KLF8: variants seen among roughly 807,000 people sequenced by gnomAD.
KLF8 encodes KLF transcription factor 8.
KLF8 carries 10 observed loss-of-function variants against 18.2 expected under a neutral mutation model. That is an observed-to-expected ratio of 0.55 (90% CI 0.34 to 0.93). The LOEUF (loss-of-function observed/expected upper bound fraction) is 0.93. Among genes scored for constraint, KLF8 ranks in the 40% least tolerant of loss-of-function variants. KLF8 has a pLI of 0.02. For missense variants in KLF8, 264 were observed against 277.9 expected (o/e 0.95, Z 0.36); for synonymous variants, 109 against 97.3 (o/e 1.12, Z -0.71).
At chrX:55,970,718 A>G in the KLF8 span, among the ~76,000 whole-genome samples, 1 of 111,835 alleles carries the variant, frequency 8.9e-6, no homozygotes, top group East Asian at 2.8e-4. Context: ...CAAAGTTGTA[A>G]GAGATCAAAT....
chrX:56,144,828 T>C, the KLF8 span, among the ~76,000 whole-genome samples: 1 of 107,964 alleles, frequency 9.3e-6, no homozygotes, highest in African/African-American at 3.4e-5. Context: ...AGTCTCGCTC[T>C]GTTGCCCAGG....
the KLF8 span, among the ~76,000 whole-genome samples, chrX:55,992,162 G>C: frequency 8.9e-6 from 1 of 112,224 alleles, no homozygotes; most frequent in Non-Finnish European, 1.9e-5. Context: ...TCTTCATCAT[G>C]AAATATTTGT....
chrX:56,191,301 A>T, the KLF8 span, among the ~76,000 whole-genome samples: 1 of 112,091 alleles, frequency 8.9e-6, no homozygotes, highest in Non-Finnish European at 1.9e-5. Flanking sequence ...AGGTAATGAG[A>T]TTGAAGCTGT....
At chrX:56,177,542 G>A in the KLF8 span, among the ~76,000 whole-genome samples, 57 of 110,286 alleles carry the variant, frequency 5.2e-4, no homozygotes, top group Non-Finnish European at 8.8e-4. Flanking sequence ...TAGGCTACTC[G>A]GGGGTCAGGG....
chrX:55,923,197 G>A, the KLF8 span, among the ~76,000 whole-genome samples: 1 of 108,350 alleles, frequency 9.2e-6, no homozygotes, highest in Non-Finnish European at 1.9e-5. Flanking sequence ...GGAGTTGGAA[G>A]CCATTATCCT....
the KLF8 span, among the ~76,000 whole-genome samples, chrX:56,197,701 C>T: frequency 9.0e-6 from 1 of 111,593 alleles, no homozygotes; most frequent in Admixed American, 9.5e-5. Flanking sequence ...TTATTCCAAT[C>T]AATAGAAAAA....
chrX:56,266,718 C>T lies in KLF8; in HGVS notation c.646+974C>T, dbSNP rs1053710216. ...AAGGAAAATTATGTGGCCTCTAAAG[C>T]AGGCTGATAATGTTTTGCATAAATC... On this transcript the variant is annotated intron_variant, in intron 3 of 5. Coordinates refer to ENST00000468660, the MANE Select transcript of KLF8 (RefSeq NM_007250.5). 21 of 751,831 alleles carry T rather than the reference C, an allele frequency of 2.8e-5. No homozygotes were observed. In the African/African-American group the frequency reaches 4.4e-4, roughly 16 times the overall value. The allele number at this position is 751,831 out of a possible 1,213,427, so 62.0% of individuals were successfully genotyped here. A position where few individuals can be genotyped will look rare whatever the true frequency, so the allele number is the denominator to read the frequency against.
At chrX:56,076,147 T>A in the KLF8 span, among the ~76,000 whole-genome samples, 1 of 111,043 alleles carries the variant, frequency 9.0e-6, no homozygotes, top group South Asian at 3.9e-4. Context: ...CTCATAATTT[T>A]TTTTTATTAT....
intron 1 of KLF8, among the ~76,000 whole-genome samples, chrX:56,236,848 TTGTG>T (rs3052510): frequency 0.015 from 1,387 of 95,043 alleles, 28 homozygotes; most frequent in African/African-American, 0.049. Context: ...ATGAGTATGT[TTGTG>T]TGTGTGTGTG....
At chrX:56,196,032 T>G in the KLF8 span, among the ~76,000 whole-genome samples, 1 of 111,229 alleles carries the variant, frequency 9.0e-6, no homozygotes, top group African/African-American at 3.3e-5. Flanking sequence ...AAGCAGATGC[T>G]GAGAGATTAT....
chrX:56,155,818 C>T, the KLF8 span, among the ~76,000 whole-genome samples: 1 of 111,137 alleles, frequency 9.0e-6, no homozygotes, highest in African/African-American at 3.3e-5. Flanking sequence ...CGTCTTTGCA[C>T]CCTCTAGTAG....
chrX:56,119,405 G>A, the KLF8 span, among the ~76,000 whole-genome samples: 6 of 110,466 alleles, frequency 5.4e-5, no homozygotes, highest in East Asian at 1.1e-3. Flanking sequence ...ACCAGGTTCC[G>A]CTTATTATTA....
chrX:56,116,661 A>G, the KLF8 span, among the ~76,000 whole-genome samples: 1 of 102,225 alleles, frequency 9.8e-6, no homozygotes, highest in Non-Finnish European at 2.0e-5. Context: ...ATATATATAT[A>G]TATATAGTGA....
At chrX:56,051,647 C>G in the KLF8 span, among the ~76,000 whole-genome samples, 1 of 111,049 alleles carries the variant, frequency 9.0e-6, no homozygotes, top group Non-Finnish European at 1.9e-5. Context: ...CGCTGTTCAT[C>G]TGATGGGCTT....
chrX:56,002,783 C>T, the KLF8 span, among the ~76,000 whole-genome samples: 1 of 111,996 alleles, frequency 8.9e-6, no homozygotes, highest in Non-Finnish European at 1.9e-5. Flanking sequence ...TTTGAAGACT[C>T]CATATGGCTA....
the KLF8 span, among the ~76,000 whole-genome samples, chrX:56,168,459 T>C: frequency 8.9e-6 from 1 of 112,504 alleles, no homozygotes; most frequent in Non-Finnish European, 1.9e-5. Flanking sequence ...TTAATATTGT[T>C]AAAATGTTTA....
chrX:55,999,629 T>C, the KLF8 span, among the ~76,000 whole-genome samples: 10 of 111,052 alleles, frequency 9.0e-5, no homozygotes, highest in Non-Finnish European at 1.7e-4. Context: ...AAATAAGAAC[T>C]GATTTCTTGA....
At chrX:56,190,842 T>A in the KLF8 span, among the ~76,000 whole-genome samples, 1 of 111,394 alleles carries the variant, frequency 9.0e-6, no homozygotes, top group African/African-American at 3.3e-5. Flanking sequence ...AGTTGATTGA[T>A]ATAAATACCT....
chrX:56,053,230 C>A, the KLF8 span, among the ~76,000 whole-genome samples: 46 of 112,358 alleles, frequency 4.1e-4, no homozygotes, highest in African/African-American at 1.3e-3. Context: ...CTGTCCTCTG[C>A]GTCGCTCACG....
Sources: allele counts gnomAD v4.1 joint callset (sites outside exome capture counted in the v4.1 genomes callset), GRCh38; gene constraint gnomAD v4.1.1; transcripts MANE v1.5; gene names NCBI Gene and HGNC (gene_info 2026-07-23, HGNC 2026-07-21).